SETD3: variants seen among roughly 807,000 people sequenced by gnomAD.
SETD3 encodes SET domain containing 3, actin N3(tau)-histidine methyltransferase.
Under a neutral mutation model 63.0 loss-of-function variants are expected in SETD3, and 19 were observed. The ratio of observed to expected loss-of-function variants is 0.30; its 90% CI spans 0.21 to 0.44. SETD3 has a LOEUF of 0.44. SETD3 is among the 20% of genes least tolerant of loss of function. SETD3 has a pLI of 1.00. For missense variants in SETD3, 587 were observed against 728.5 expected (o/e 0.81, Z 2.24); for synonymous variants, 286 against 264.1 (o/e 1.08, Z -0.80).
rs5810954 is a variant in SETD3 at position 99,477,748 on chromosome 14, C to CAAA, written c.-9+2977_-9+2979dup. On this transcript the variant is annotated intron_variant, in intron 1 of 12. Transcript: ENST00000331768. ...CGGCAACAAGAGCGAAACTCCATCT[C>CAAA]AAAAAAAAAAAAAAAGCCAAGTCTC... Among the ~76,000 whole-genome samples, 94 of 130,464 alleles carry CAAA rather than the reference C, an allele frequency of 7.2e-4. 1 individual carries two copies. The highest frequency in any genetic ancestry group is 2.6e-3 in the African/African-American group (88 of 34,412). The allele number at this position is 130,464 out of a possible 152,430, so 85.6% of individuals were successfully genotyped here.
chr14:99,433,727 A>G (rs1893312592), intron 6 of SETD3, among the ~76,000 whole-genome samples: 1 of 152,198 alleles, frequency 6.6e-6, no homozygotes, highest in Non-Finnish European at 1.5e-5. Flanking sequence ...GTGAGCTACC[A>G]CATCCGGCCT....
chr14:99,482,118 G>C (rs146058502), upstream of SETD3, among the ~76,000 whole-genome samples: 5 of 152,202 alleles, frequency 3.3e-5, no homozygotes, highest in African/African-American at 1.2e-4. Context: ...CTAAACGATT[G>C]TCTGCCCAAG....
intron 6 of SETD3, among the ~76,000 whole-genome samples, chr14:99,440,462 T>C (rs1346564856): frequency 1.3e-5 from 2 of 152,008 alleles, no homozygotes; most frequent in East Asian, 3.9e-4. Context: ...GTAGAGCCAG[T>C]AGGGGACAGG....
intron 8 of SETD3, chr14:99,411,568 C>T (rs145019718): frequency 1.3e-5 from 2 of 152,110 alleles, no homozygotes; most frequent in Non-Finnish European, 1.5e-5. Context: ...AGCATTATTG[C>T]TTTAATTTTA....
At chr14:99,461,874 T>A (rs549037935) in intron 3 of SETD3, among the ~76,000 whole-genome samples, 1 of 152,364 alleles carries the variant, frequency 6.6e-6, no homozygotes, top group South Asian at 2.1e-4. Context: ...TAGAGCTATG[T>A]GTATCAACAT....
At chr14:99,438,692 C>T (rs1475674554) in intron 6 of SETD3, among the ~76,000 whole-genome samples, 1 of 152,184 alleles carries the variant, frequency 6.6e-6, no homozygotes, top group African/African-American at 2.4e-5. Context: ...GTCCACCTCC[C>T]TGCCGCTGGG....
chr14:99,473,915 G>C (rs1895833552), intron 1 of SETD3, among the ~76,000 whole-genome samples: 1 of 152,206 alleles, frequency 6.6e-6, no homozygotes, highest in Non-Finnish European at 1.5e-5. Flanking sequence ...ATACATATCA[G>C]AAACGTGTTC....
chr14:99,447,789 T>TG (rs1382143806), intron 6 of SETD3, among the ~76,000 whole-genome samples: 2 of 152,178 alleles, frequency 1.3e-5, no homozygotes, highest in Non-Finnish European at 2.9e-5. Flanking sequence ...CCTCATAGCT[T>TG]GGGGGAAAAA....
Position 99,434,846 on chromosome 14 carries a change from T to TAAAAAA in SETD3, c.676-20913_676-20912insTTTTTT, listed in dbSNP as rs1566706239. ...TGGGCAACAAGAGCAAAACTCTGCCTCAAAAAAAAAAAAAAAAAAAAAAAA... is the reference window on the plus strand; with the variant it reads ...TGGGCAACAAGAGCAAAACTCTGCCTAAAAAACAAAAAAAAAAAAAAAAAAAAAAAA... On this transcript the variant is annotated intron_variant, in intron 6 of 12. Transcript: ENST00000331768. Among the ~76,000 whole-genome samples the TAAAAAA allele has an allele frequency of 3.0e-3, 57 of 18,922 alleles. 1 individual carries two copies. The highest frequency in any genetic ancestry group is 0.017 in the African/African-American group (57 of 3,334). 12.4% of individuals were successfully genotyped at this position (18,922 alleles called of 152,430 possible).
At chr14:99,473,920 G>A (rs1048107179) in intron 1 of SETD3, among the ~76,000 whole-genome samples, 2 of 152,156 alleles carry the variant, frequency 1.3e-5, no homozygotes, top group African/African-American at 2.4e-5. Context: ...TATCAGAAAC[G>A]TGTTCTGGCT....
At chr14:99,426,015 T>C (rs1415609378) in intron 6 of SETD3, among the ~76,000 whole-genome samples, 2 of 152,002 alleles carry the variant, frequency 1.3e-5, no homozygotes, top group African/African-American at 2.4e-5. Context: ...TATTAATCCC[T>C]AAAAAAAACT....
At chr14:99,419,887 CAATT>C (rs1300921261) in intron 6 of SETD3, among the ~76,000 whole-genome samples, 2 of 151,982 alleles carry the variant, frequency 1.3e-5, no homozygotes, top group Admixed American at 1.3e-4. Flanking sequence ...TTTTGATCAT[CAATT>C]ACTCAACAAA....
intron 6 of SETD3, among the ~76,000 whole-genome samples, chr14:99,446,147 C>T (rs1321552400): frequency 6.6e-6 from 1 of 152,184 alleles, no homozygotes; most frequent in Non-Finnish European, 1.5e-5. Flanking sequence ...CCTGCTTCCT[C>T]ACTTATAAAA....
chr14:99,419,468 A>C (rs1892458138), intron 6 of SETD3, among the ~76,000 whole-genome samples: 1 of 152,212 alleles, frequency 6.6e-6, no homozygotes, highest in South Asian at 2.1e-4. Flanking sequence ...ATGGCAAAAG[A>C]TACGTCTGTT....
chr14:99,484,049 A>G (rs1459013531), upstream of SETD3, among the ~76,000 whole-genome samples: 1 of 152,280 alleles, frequency 6.6e-6, no homozygotes, highest in Non-Finnish European at 1.5e-5. Flanking sequence ...AAAATAAAAA[A>G]TAAATAAATT....
At chr14:99,425,661 T>A (rs1163962422) in intron 6 of SETD3, among the ~76,000 whole-genome samples, 1 of 152,218 alleles carries the variant, frequency 6.6e-6, no homozygotes, top group African/African-American at 2.4e-5. Context: ...TGGACCTCCA[T>A]TTAAGTGTCA....
chr14:99,425,903 G>A (rs898452989), intron 6 of SETD3, among the ~76,000 whole-genome samples: 5 of 152,126 alleles, frequency 3.3e-5, no homozygotes, highest in African/African-American at 1.2e-4. Flanking sequence ...AGCTTTGTCA[G>A]TTAAGACTCT....
intron 8 of SETD3, among the ~76,000 whole-genome samples, chr14:99,409,151 G>A (rs1045272845): frequency 6.6e-6 from 1 of 152,134 alleles, no homozygotes; most frequent in Non-Finnish European, 1.5e-5. Context: ...TCCACGTGCC[G>A]CTTCCTGCCT....
intron 1 of SETD3, among the ~76,000 whole-genome samples, chr14:99,475,803 A>T (rs1016219852): frequency 1.3e-5 from 2 of 152,218 alleles, no homozygotes; most frequent in African/African-American, 4.8e-5. Flanking sequence ...TCATTCCCTC[A>T]TTCCTGCACA....
Sources: allele counts gnomAD v4.1 joint callset (sites outside exome capture counted in the v4.1 genomes callset), GRCh38; gene constraint gnomAD v4.1.1; transcripts MANE v1.5; gene names NCBI Gene and HGNC (gene_info 2026-07-23, HGNC 2026-07-21).